Variants in SLC25A24 observed in about 807,000 individuals in gnomAD.
The protein encoded by SLC25A24 is mitochondrial adenyl nucleotide antiporter SLC25A24.
In SLC25A24, 49 loss-of-function variants were observed where a neutral mutation model predicts 60.7. The ratio of observed to expected loss-of-function variants is 0.81; its 90% CI spans 0.64 to 1.02. The LOEUF (loss-of-function observed/expected upper bound fraction) is 1.02. SLC25A24 is among the 50% of genes least tolerant of loss of function. SLC25A24 has a pLI of 0.00. For missense variants in SLC25A24, 564 were observed against 586.3 expected (o/e 0.96, Z 0.39); for synonymous variants, 202 against 200.6 (o/e 1.01, Z -0.06).
chr1:108,150,408 A>G (rs1032410471), intron 6 of SLC25A24, among the ~76,000 whole-genome samples: 3 of 152,196 alleles, frequency 2.0e-5, no homozygotes, highest in African/African-American at 7.2e-5. Context: ...AAGGCTACAG[A>G]ACTGAACCTT....
chr1:108,175,707 C>A (rs200753237), intron 3 of SLC25A24, among the ~76,000 whole-genome samples: 12 of 151,650 alleles, frequency 7.9e-5, no homozygotes, highest in African/African-American at 2.4e-4. Context: ...AAATAAAAAT[C>A]AAAAAATGAA....
chr1:108,184,257 A>T (rs1046555355), intron 2 of SLC25A24, among the ~76,000 whole-genome samples: 2 of 152,220 alleles, frequency 1.3e-5, no homozygotes, highest in Non-Finnish European at 2.9e-5. Flanking sequence ...ATTGATCTTA[A>T]GGTAGCTCCA....
intron 6 of SLC25A24, 80 bp from the exon 7 acceptor site, chr1:108,148,466 C>T: frequency 2.5e-6 from 2 of 799,862 alleles, no homozygotes; most frequent in Non-Finnish European, 4.4e-6. Context: ...TATGTTGAAG[C>T]TGTAACCTCC....
Position 108,136,792 on chromosome 1 carries a change from C to A in SLC25A24, c.1295G>T (p.Arg432Leu), listed in dbSNP as rs144420834. The change falls in exon 10 of 10, where the codon CGA (arginine) becomes CTA (leucine). Residue 432 changes from arginine to leucine, a missense_variant. Transcript: ENST00000565488. ...TATTCCTTCTTTGGAAATAATTCGTCGAAAGAGGCCAACCATATTCAGCTG... is the reference window on the plus strand; with the variant it reads ...TATTCCTTCTTTGGAAATAATTCGTAGAAAGAGGCCAACCATATTCAGCTG... ...SPQLNMVGLF[R>L]RIISKEGIPG... 3.1e-6 allele frequency: 5 copies of A among 1,613,808 alleles called. No homozygotes were observed. The African/African-American group carries it at 6.7e-5, about 22-fold the overall frequency.
rs768020578 is a variant in SLC25A24, at chr1:108,161,265, C to T, written c.427G>A (p.Asp143Asn). Residue 143 changes from aspartate to asparagine, a missense_variant, in exon 4 of 10, where the codon GAC (aspartate) becomes AAC (asparagine). Asp to Asn is a conservative substitution (Grantham distance 23, BLOSUM62 1). Coordinates refer to ENST00000565488, the MANE Select transcript of SLC25A24 (RefSeq NM_013386.5). Reference protein sequence around the residue: ...SIDVDGTMTVDWNEWRDYFLF... With the variant: ...SIDVDGTMTVNWNEWRDYFLF... ...AAGTAGTCTCTCCATTCATTCCAGT[C>T]CACTGTCATTGTCCCATCAACATCA... The T allele has an allele frequency of 6.3e-7, 1 of 1,598,392 alleles. No homozygotes were observed. The highest frequency in any genetic ancestry group is 1.7e-5 in the Admixed American group (1 of 59,704).
chr1:108,161,875 C>A (rs1367377583), intron 3 of SLC25A24, among the ~76,000 whole-genome samples: 1 of 151,542 alleles, frequency 6.6e-6, no homozygotes, highest in Non-Finnish European at 1.5e-5. Context: ...TATACATGTG[C>A]CTTGCTGGTG....
At chr1:108,139,548 T>G (rs1013121065) in intron 8 of SLC25A24, among the ~76,000 whole-genome samples, 1 of 152,202 alleles carries the variant, frequency 6.6e-6, no homozygotes, top group Admixed American at 6.6e-5. Context: ...GTTACATATA[T>G]TTCATTTGAG....
chr1:108,179,613 A>G (rs1014605362), intron 3 of SLC25A24, among the ~76,000 whole-genome samples: 3 of 152,216 alleles, frequency 2.0e-5, no homozygotes, highest in African/African-American at 7.2e-5. Context: ...ATCTGTAACA[A>G]TATGAATGAA....
chr1:108,183,756 C>A (rs190073600), intron 2 of SLC25A24, among the ~76,000 whole-genome samples: 2 of 152,256 alleles, frequency 1.3e-5, no homozygotes, highest in East Asian at 3.9e-4. Context: ...AATGCAAAAA[C>A]TGGCACAAAA....
intron 7 of SLC25A24, 63 bp from the exon 8 acceptor site, chr1:108,143,773 T>G (rs945440188): frequency 7.7e-6 from 10 of 1,301,808 alleles, no homozygotes; most frequent in African/African-American, 2.9e-5. Flanking sequence ...GGGATTCAAA[T>G]GAAGTAATTT....
At chr1:108,140,865 A>G (rs1181003633) in intron 8 of SLC25A24, among the ~76,000 whole-genome samples, 1 of 151,914 alleles carries the variant, frequency 6.6e-6, no homozygotes, top group Non-Finnish European at 1.5e-5. Flanking sequence ...CCAGGAAGAG[A>G]GGAAGGGAAA....
intron 3 of SLC25A24, among the ~76,000 whole-genome samples, chr1:108,169,345 C>G (rs1433079624): frequency 6.6e-6 from 1 of 152,016 alleles, no homozygotes; most frequent in African/African-American, 2.4e-5. Context: ...CTCAAAAAAA[C>G]CAGGTGGGTT....
chr1:108,153,910 G>C (rs573249401), intron 6 of SLC25A24, among the ~76,000 whole-genome samples: 8 of 152,000 alleles, frequency 5.3e-5, no homozygotes, highest in Non-Finnish European at 1.2e-4. Context: ...TTAGGCTGTG[G>C]CTTTCCTATC....
chr1:108,188,135 CA>C (rs1427908729), intron 1 of SLC25A24, among the ~76,000 whole-genome samples: 1 of 151,678 alleles, frequency 6.6e-6, no homozygotes, highest in Non-Finnish European at 1.5e-5. Flanking sequence ...AATAGAAAAC[CA>C]AACACCACAA....
Position 108,155,080 on chromosome 1 carries a change from A to C in SLC25A24, c.725T>G (p.Val242Gly). 6.2e-7 allele frequency: 1 copy of C among 1,612,802 alleles called. No homozygotes were observed. The highest frequency in any genetic ancestry group is 8.5e-7 in the Non-Finnish European group (1 of 1,179,348). ...MNIFGGFRQMVKEGGIRSLWR... is the reference protein window; with the variant it reads ...MNIFGGFRQMGKEGGIRSLWR... ...AAGCGAGCGGATACCTCCTTCTTTT[A>C]CCATCTGTCGAAAGCCACCAAATAT... Residue 242 changes from valine (V) to glycine (G), a missense_variant, in exon 6 of 10, where the codon GTA becomes GGA. Physicochemically the swap from Val to Gly is moderately radical, Grantham distance 109 (BLOSUM62 -3). Transcript: ENST00000565488.
At chr1:108,143,892 A>G (rs896900691) in intron 7 of SLC25A24, among the ~76,000 whole-genome samples, 182 bp from the exon 8 acceptor site, 1 of 152,340 alleles carries the variant, frequency 6.6e-6, no homozygotes, top group Admixed American at 6.5e-5. Flanking sequence ...CCAAAGCCAG[A>G]GAGACCCGTT....
intron 3 of SLC25A24, among the ~76,000 whole-genome samples, chr1:108,181,683 A>C (rs948636044): frequency 1.1e-4 from 17 of 152,336 alleles, no homozygotes; most frequent in African/African-American, 4.1e-4. Flanking sequence ...TCATCTATGG[A>C]GTTAAAACCT....
At chr1:108,144,421 T>C (rs1230424387) in intron 7 of SLC25A24, among the ~76,000 whole-genome samples, 1 of 152,188 alleles carries the variant, frequency 6.6e-6, no homozygotes, top group Non-Finnish European at 1.5e-5. Flanking sequence ...TTCTTTTCTT[T>C]TGTTTTTGCC....
chr1:108,165,191 G>T (rs1680210194), intron 3 of SLC25A24, among the ~76,000 whole-genome samples: 1 of 151,984 alleles, frequency 6.6e-6, no homozygotes, highest in African/African-American at 2.4e-5. Flanking sequence ...TTTACATTTG[G>T]TGAGGAGTGC....
Sources: gnomAD v4.1 joint callset for allele counts (sites outside exome capture counted in the v4.1 genomes callset) on GRCh38, gnomAD v4.1.1 for gene constraint, MANE v1.5 for transcripts, NCBI Gene and HGNC (gene_info 2026-07-23, HGNC 2026-07-21) for gene names.